Variants in ZDHHC20 observed in about 807,000 individuals in gnomAD.
ZDHHC20 encodes the protein zDHHC palmitoyltransferase 20.
Under a neutral mutation model 57.8 loss-of-function variants are expected in ZDHHC20, and 43 were observed. The ratio of observed to expected loss-of-function variants is 0.74; its 90% CI spans 0.58 to 0.96. ZDHHC20 has a LOEUF of 0.96. Among genes scored for constraint, ZDHHC20 ranks in the 40% least tolerant of loss-of-function variants. ZDHHC20 has a pLI of 0.00. For missense variants in ZDHHC20, 391 were observed against 441.1 expected, an observed-to-expected ratio of 0.89 and a Z score of 1.02; for synonymous variants, 157 against 153.0, an observed-to-expected ratio of 1.03 and a Z score of -0.19.
chr13:21,396,035 A>T (rs1336402582), intron 7 of ZDHHC20, among the ~76,000 whole-genome samples: 1 of 152,186 alleles, frequency 6.6e-6, no homozygotes, highest in East Asian at 1.9e-4. Flanking sequence ...TCCCAGGACC[A>T]GGTACAAGAC....
intron 1 of ZDHHC20, among the ~76,000 whole-genome samples, chr13:21,429,158 T>C (rs981704680): frequency 2.0e-5 from 3 of 152,208 alleles, no homozygotes; most frequent in African/African-American, 7.2e-5. Context: ...GTATCTACTA[T>C]GGCTATGGGA....
chr13:21,417,054 G>A (rs891521640), intron 3 of ZDHHC20, among the ~76,000 whole-genome samples: 3 of 151,996 alleles, frequency 2.0e-5, no homozygotes, highest in Non-Finnish European at 2.9e-5. Context: ...TGTTATATAC[G>A]AGGTCTGATT....
At position 21,375,436 on chromosome 13, in the gene ZDHHC20, T is replaced by G. The variant is rs1414856607; in HGVS notation, c.*1260A>C. ...GTTTATTCTGTACTTTTCCTTGGAGTTAATGCAACACCTCCTGTCGCTTAG... is the reference window on the plus strand; with the variant it reads ...GTTTATTCTGTACTTTTCCTTGGAGGTAATGCAACACCTCCTGTCGCTTAG... On this transcript the variant is annotated 3_prime_UTR_variant, in exon 13 of 13. Coordinates refer to ENST00000400590, the MANE Select transcript of ZDHHC20 (RefSeq NM_001330059.2). 1 of 253,392 alleles carries G rather than the reference T, an allele frequency of 3.9e-6. No individual in the cohort carries two copies. Among genetic ancestry groups the G allele is most frequent in the Non-Finnish European group, 7.8e-6 (1 of 128,494 alleles). The allele number at this position is 253,392 out of a possible 1,614,324, so 15.7% of individuals were successfully genotyped here.
chr13:21,407,552 A>T (rs1193686153), intron 4 of ZDHHC20, among the ~76,000 whole-genome samples: 1 of 152,066 alleles, frequency 6.6e-6, no homozygotes, highest in East Asian at 1.9e-4. Flanking sequence ...GATTGCAAAA[A>T]TTTTCTCCCA....
In ZDHHC20 at chr13:21,374,604, T is replaced by C. The variant is rs1459882716; in HGVS notation, c.*2092A>G. The C allele has an allele frequency of 1.1e-5, 3 of 277,430 alleles. No individual in the cohort carries two copies. The Admixed American group carries it at 1.2e-4, about 11-fold the overall frequency. 17.2% of individuals were successfully genotyped at this position (277,430 alleles called of 1,614,324 possible). A position where few individuals can be genotyped will look rare whatever the true frequency, so the allele number is the denominator to read the frequency against. ...GATTACTAAGGAGTTGAAACAAAGG[T>C]AGAAGAATCCATACTATAATATCCC... is the stretch of plus-strand genomic sequence containing the variant. On this transcript the variant is annotated 3_prime_UTR_variant, in exon 13 of 13. Coordinates refer to ENST00000400590, the MANE Select transcript of ZDHHC20 (RefSeq NM_001330059.2).
At chr13:21,404,716 T>G (rs1342886588) in intron 4 of ZDHHC20, among the ~76,000 whole-genome samples, 1 of 148,496 alleles carries the variant, frequency 6.7e-6, no homozygotes, top group South Asian at 2.1e-4. Context: ...ATCGCGCCAC[T>G]GCACTCCAAC....
chr13:21,441,017 A>G (rs1020122832), intron 1 of ZDHHC20, among the ~76,000 whole-genome samples: 3 of 152,184 alleles, frequency 2.0e-5, no homozygotes, highest in African/African-American at 7.2e-5. Flanking sequence ...TTTTGGTTTA[A>G]AATCTGGGGG....
At chr13:21,423,888 G>T (rs1042639096) in intron 2 of ZDHHC20, among the ~76,000 whole-genome samples, 2 of 151,674 alleles carry the variant, frequency 1.3e-5, no homozygotes, top group Admixed American at 6.6e-5. Flanking sequence ...ATTAAATCAG[G>T]CTTGTTGTTC....
intron 11 of ZDHHC20, among the ~76,000 whole-genome samples, chr13:21,379,027 A>AT (rs967936670): frequency 3.3e-5 from 5 of 152,176 alleles, no homozygotes; most frequent in African/African-American, 4.8e-5. Flanking sequence ...CTAGATTGTT[A>AT]TTTTTTAGAG....
Position 21,389,099 on chromosome 13 carries a change from C to A in ZDHHC20, c.728-1465G>T, listed in dbSNP as rs563061198. On this transcript the variant is annotated intron_variant, in intron 8 of 12. Coordinates refer to ENST00000400590, the MANE Select transcript of ZDHHC20 (RefSeq NM_001330059.2). Reference sequence around the variant, plus strand: ...TCTAAGCGATTAAAAAACTCAGAATCAAAGGGACTAGCTTGCTTGTTCAGG... The same window carrying A: ...TCTAAGCGATTAAAAAACTCAGAATAAAAGGGACTAGCTTGCTTGTTCAGG... 3.3e-5 allele frequency among the ~76,000 whole-genome samples: 5 copies of A among 152,230 alleles called. No individual in the cohort carries two copies. The South Asian group carries it at 1.0e-3, about 32-fold the overall frequency.
rs574244067 is a variant in ZDHHC20 at position 21,455,832 on chromosome 13, T to C, written c.118+3222A>G. ...GCTGCCTTTTAGGAGAAAAGTACTT[T>C]ATATAAATATATCATATACAGGACT... On this transcript the variant is annotated intron_variant, in intron 1 of 12. Coordinates refer to ENST00000400590, the MANE Select transcript of ZDHHC20 (RefSeq NM_001330059.2). Among the ~76,000 whole-genome samples the C allele has an allele frequency of 2.0e-5, 3 of 152,294 alleles. No homozygotes were observed. In the South Asian group the frequency reaches 6.2e-4, roughly 32 times the overall value.
chr13:21,454,959 C>T (rs192619856), intron 1 of ZDHHC20, among the ~76,000 whole-genome samples: 151 of 152,202 alleles, frequency 9.9e-4, no homozygotes, highest in African/African-American at 3.2e-3. Flanking sequence ...CTCGCTCTGT[C>T]GCCCAGGCTG....
intron 1 of ZDHHC20, among the ~76,000 whole-genome samples, chr13:21,427,752 T>C (rs1418075951): frequency 6.7e-6 from 1 of 150,178 alleles, no homozygotes; most frequent in Non-Finnish European, 1.5e-5. Flanking sequence ...GGAGAATCAC[T>C]TGAACCCAGG....
intron 3 of ZDHHC20, among the ~76,000 whole-genome samples, chr13:21,416,269 T>C (rs973008097): frequency 6.6e-6 from 1 of 151,502 alleles, no homozygotes; most frequent in Non-Finnish European, 1.5e-5. Flanking sequence ...AAACGAAAAT[T>C]TCAAGAGACA....
At chr13:21,402,188 G>A (rs1877728637) in intron 5 of ZDHHC20, among the ~76,000 whole-genome samples, 1 of 152,092 alleles carries the variant, frequency 6.6e-6, no homozygotes, top group South Asian at 2.1e-4. Flanking sequence ...AACATATGCA[G>A]GTCATAAAAA....
At chr13:21,415,047 T>TA (rs930167708) in intron 3 of ZDHHC20, among the ~76,000 whole-genome samples, 1 of 152,196 alleles carries the variant, frequency 6.6e-6, no homozygotes, top group Non-Finnish European at 1.5e-5. Context: ...GTCTAGTTGC[T>TA]AACTCAAATA....
intron 1 of ZDHHC20, among the ~76,000 whole-genome samples, chr13:21,451,286 T>C (rs750279057): frequency 1.3e-5 from 2 of 152,226 alleles, no homozygotes; most frequent in Admixed American, 6.5e-5. Flanking sequence ...ATTAGTATTA[T>C]TATTCTAGAT....
intron 7 of ZDHHC20, among the ~76,000 whole-genome samples, chr13:21,395,632 G>T (rs2137760258): frequency 6.6e-6 from 1 of 151,406 alleles, no homozygotes; most frequent in Admixed American, 6.6e-5. Context: ...CTCCCAAGTA[G>T]CTGGGACTAC....
intron 8 of ZDHHC20, among the ~76,000 whole-genome samples, chr13:21,388,356 T>C (rs1874984059): frequency 6.6e-6 from 1 of 152,110 alleles, no homozygotes; most frequent in Non-Finnish European, 1.5e-5. Context: ...GGATTGCTGA[T>C]ATAAAAAAGT....
Sources: allele counts gnomAD v4.1 joint callset (sites outside exome capture counted in the v4.1 genomes callset), GRCh38; gene constraint gnomAD v4.1.1; transcripts MANE v1.5; gene names NCBI Gene and HGNC (gene_info 2026-07-23, HGNC 2026-07-21).